Variants in HMGXB3 observed in about 807,000 individuals in gnomAD.
HMGXB3 encodes HMG domain-containing protein 3.
In HMGXB3, 45 loss-of-function variants were observed where a neutral mutation model predicts 121.5. That is an observed-to-expected ratio of 0.37 (90% CI 0.29 to 0.47). HMGXB3 has a LOEUF of 0.47. Among genes scored for constraint, HMGXB3 ranks in the 20% least tolerant of loss-of-function variants. The pLI is 0.99. For missense variants in HMGXB3, 1,376 were observed against 1,602.2 expected (o/e 0.86, Z 2.41); for synonymous variants, 590 against 624.1 (o/e 0.95, Z 0.81).
At chr5:150,008,569 G>C (rs1755761458) in intron 3 of HMGXB3, among the ~76,000 whole-genome samples, 1 of 152,200 alleles carries the variant, frequency 6.6e-6, no homozygotes, top group Non-Finnish European at 1.5e-5. Flanking sequence ...AGACTGCCTG[G>C]TGTGATGGGA....
intron 6 of HMGXB3, among the ~76,000 whole-genome samples, chr5:150,022,585 T>C (rs1425003490): frequency 6.6e-6 from 1 of 152,164 alleles, no homozygotes; most frequent in Non-Finnish European, 1.5e-5. Context: ...TCTGTGGTGA[T>C]TTTTGTCTAA....
chr5:150,007,913 C>G (rs781349051), intron 3 of HMGXB3, among the ~76,000 whole-genome samples: 3 of 151,952 alleles, frequency 2.0e-5, no homozygotes, highest in Non-Finnish European at 4.4e-5. Flanking sequence ...AAAGATTAGC[C>G]AGGCGTGGTG....
chr5:150,022,421 T>C (rs532972900), intron 6 of HMGXB3, among the ~76,000 whole-genome samples: 1 of 152,334 alleles, frequency 6.6e-6, no homozygotes, highest in Admixed American at 6.5e-5. Context: ...GGCTTCATTC[T>C]TAAGGCTCTC....
intron 3 of HMGXB3, among the ~76,000 whole-genome samples, chr5:150,009,587 T>C (rs902937313): frequency 6.6e-6 from 1 of 152,252 alleles, no homozygotes; most frequent in African/African-American, 2.4e-5. Context: ...GCTTACTTGC[T>C]GCCTTGAGTT....
intron 15 of HMGXB3, among the ~76,000 whole-genome samples, chr5:150,042,196 G>A (rs1322527099): frequency 6.6e-6 from 1 of 152,176 alleles, no homozygotes; most frequent in Non-Finnish European, 1.5e-5. Flanking sequence ...CAGTGAATAA[G>A]TATCAAAAAA....
intron 3 of HMGXB3, among the ~76,000 whole-genome samples, chr5:150,009,004 G>A (rs1755770440): frequency 6.6e-6 from 1 of 152,000 alleles, no homozygotes; most frequent in Non-Finnish European, 1.5e-5. Context: ...TTTTGTAGTT[G>A]ACTTTAGTGT....
chr5:150,018,561 T>G lies in HMGXB3; in HGVS notation c.910-5T>G. On this transcript the variant is annotated splice_polypyrimidine_tract_variant and splice_region_variant and intron_variant, in intron 5 of 19. Transcript: ENST00000502717. ...TATTGATTCTGATGTGCTCTTTATT[T>G]ACAGACCACTACATATACCCGCCGG... The G allele has an allele frequency of 6.5e-7, 1 of 1,538,416 alleles. No homozygotes were observed. Among genetic ancestry groups the G allele is most frequent in the Non-Finnish European group, 8.8e-7 (1 of 1,140,854 alleles).
rs749943276 is a variant in HMGXB3, at chr5:150,037,407, G to A, written c.2293G>A (p.Ala765Thr). ...PLFKGGQNSL[A>T]GPQECWLLTA... ...TGATGTTTCTGGTACTAGCTCCCTGGCTGGGCCCCAGGAGTGCTGGCTGCT... is the reference window on the plus strand; with the variant it reads ...TGATGTTTCTGGTACTAGCTCCCTGACTGGGCCCCAGGAGTGCTGGCTGCT... The change falls in exon 13 of 20, where the codon GCT becomes ACT. Residue 765 changes from alanine to threonine, a missense_variant. Transcript: ENST00000502717. 5.8e-6 allele frequency: 9 copies of A among 1,543,696 alleles called. No homozygotes were observed. Among genetic ancestry groups the A allele is most frequent in the South Asian group, 3.6e-5 (3 of 82,932 alleles).
In HMGXB3 at chr5:150,052,408, C is replaced by T. The variant is rs1446185900; in HGVS notation, c.*216C>T. ...GGTCAGGAGTGGTACCAGGAAACCT[C>T]TTCTGGCCCCGAGAGAGCACTTGGG... On this transcript the variant is annotated 3_prime_UTR_variant, in exon 20 of 20. Transcript: ENST00000502717. The T allele has an allele frequency of 7.2e-6, 4 of 558,348 alleles. No individual in the cohort carries two copies. The South Asian group carries it at 7.3e-5, about 10-fold the overall frequency. The allele number at this position is 558,348 out of a possible 1,614,324, so 34.6% of individuals were successfully genotyped here.
At chr5:150,035,888 A>G (rs1756491694) in intron 11 of HMGXB3, among the ~76,000 whole-genome samples, 1 of 152,110 alleles carries the variant, frequency 6.6e-6, no homozygotes, top group Non-Finnish European at 1.5e-5. Context: ...GATAACTTTA[A>G]GCAGTGCAGA....
In HMGXB3 at chr5:150,052,237, A is replaced by G; in HGVS notation, c.*45A>G. 7.0e-7 allele frequency: 1 copy of G among 1,438,514 alleles called. No individual in the cohort carries two copies. The highest frequency in any genetic ancestry group is 9.4e-7 in the Non-Finnish European group (1 of 1,067,450). 89.1% of individuals were successfully genotyped at this position (1,438,514 alleles called of 1,614,324 possible). A position where few individuals can be genotyped will look rare whatever the true frequency, so the allele number is the denominator to read the frequency against. On this transcript the variant is annotated 3_prime_UTR_variant, in exon 20 of 20. Transcript: ENST00000502717. ...ACTACACCATCTCTCAAGCCATAGT[A>G]AGGCCCTTGCCTGAGGCAGAGCTAT...
At chr5:150,045,763 C>T in intron 16 of HMGXB3, 78 bp downstream of exon 16, 2 of 1,179,624 alleles carry the variant, frequency 1.7e-6, no homozygotes, top group Non-Finnish European at 2.5e-6. Flanking sequence ...GGCAAGATAG[C>T]ACAGTGGTAG....
intron 7 of HMGXB3, among the ~76,000 whole-genome samples, chr5:150,026,043 G>C (rs1310912293): frequency 1.3e-5 from 2 of 151,422 alleles, no homozygotes; most frequent in East Asian, 1.9e-4. Flanking sequence ...TGTTAGCCAG[G>C]ATGGTCTTGA....
In HMGXB3 at chr5:150,026,250, A is replaced by G. The variant is rs116169796; in HGVS notation, c.1461-456A>G. ...TTTGAGACACGTAAATCACTCTAGC[A>G]AATGTTTATTGAGGCCTCCTCTGTG... is the stretch of plus-strand genomic sequence containing the variant. On this transcript the variant is annotated intron_variant, in intron 7 of 19. Coordinates refer to ENST00000502717, the MANE Select transcript of HMGXB3 (RefSeq NM_014983.3). 4.8e-3 allele frequency among the ~76,000 whole-genome samples: 725 copies of G among 152,348 alleles called. 2 individuals are homozygous for G. Among genetic ancestry groups the G allele is most frequent in the Non-Finnish European group, 8.7e-3 (591 of 68,034 alleles).
chr5:150,005,349 C>A (rs1755671917), intron 2 of HMGXB3, among the ~76,000 whole-genome samples: 1 of 152,138 alleles, frequency 6.6e-6, no homozygotes, highest in African/African-American at 2.4e-5. Flanking sequence ...CCTGTAATCC[C>A]AGCAGTTTGG....
At chr5:150,021,084 C>G (rs1421377052) in intron 6 of HMGXB3, among the ~76,000 whole-genome samples, 1 of 152,142 alleles carries the variant, frequency 6.6e-6, no homozygotes, top group Non-Finnish European at 1.5e-5. Context: ...AAGCTCATGG[C>G]ATGAAAACAA....
chr5:150,032,594 C>T lies in HMGXB3; in HGVS notation c.1974C>T (p.Thr658=), dbSNP rs1756406103. ...CCAAAGACCGGACTGAGAAAACCAC[C>T]AAGGCTATCGTGAGTTCCTTCCCCC... ...NLAKDRTEKT[T]KAIEVSSPLP... The change falls in exon 11 of 20, where the codon ACC becomes ACT. Residue 658 remains threonine, a synonymous_variant. Coordinates refer to ENST00000502717, the MANE Select transcript of HMGXB3 (RefSeq NM_014983.3). 1.3e-6 allele frequency: 2 copies of T among 1,552,168 alleles called. No homozygotes were observed. The highest frequency in any genetic ancestry group is 3.9e-5 in the Admixed American group (2 of 50,984).
At chr5:150,041,679 G>T in intron 14 of HMGXB3, 106 bp from the exon 15 acceptor site, 1 of 809,888 alleles carries the variant, frequency 1.2e-6, no homozygotes, top group Non-Finnish European at 2.0e-6. Context: ...GTTCTTTAAG[G>T]TGAATCAGTC....
At position 150,051,884 on chromosome 5, in the gene HMGXB3, T is replaced by C. The variant is rs1269685851; in HGVS notation, c.3571T>C (p.Leu1191=). 1.9e-6 allele frequency: 3 copies of C among 1,551,650 alleles called. No homozygotes were observed. Among genetic ancestry groups the C allele is most frequent in the Non-Finnish European group, 2.6e-6 (3 of 1,147,094 alleles). ...PGDPSAGHHS[L]ALCPELAPYA... ...TGACCCCAGTGCTGGGCACCACTCCTTGGCCCTGTGCCCTGAATTGGCACC... is the reference window on the plus strand; with the variant it reads ...TGACCCCAGTGCTGGGCACCACTCCCTGGCCCTGTGCCCTGAATTGGCACC... Residue 1191 remains leucine, a synonymous_variant, in exon 20 of 20, where the codon TTG becomes CTG. Coordinates refer to ENST00000502717, the MANE Select transcript of HMGXB3 (RefSeq NM_014983.3).
Sources: allele counts gnomAD v4.1 joint callset (sites outside exome capture counted in the v4.1 genomes callset), GRCh38; gene constraint gnomAD v4.1.1; transcripts MANE v1.5; gene names NCBI Gene and HGNC (gene_info 2026-07-23, HGNC 2026-07-21).